Variants in TBC1D22B observed in about 807,000 individuals in gnomAD.
TBC1D22B encodes the protein chromosome 6 open reading frame 197.
TBC1D22B carries 32 observed loss-of-function variants against 69.1 expected under a neutral mutation model. The observed-to-expected ratio is 0.46, with a 90% CI of 0.35 to 0.62. The LOEUF is 0.62. Among genes scored for constraint, TBC1D22B ranks in the 20% least tolerant of loss-of-function variants. The probability of loss-of-function intolerance (pLI) is 0.00; values close to 1 mark genes in which losing one functional copy is unlikely to be tolerated. For synonymous variants in TBC1D22B, 206 were observed against 229.8 expected (o/e 0.90, Z 0.94); for missense variants, 462 against 630.9 (o/e 0.73, Z 2.87).
intron 12 of TBC1D22B, among the ~76,000 whole-genome samples, chr6:37,324,004 T>C (rs939183988): frequency 6.6e-6 from 1 of 152,210 alleles, no homozygotes; most frequent in Non-Finnish European, 1.5e-5. Context: ...GCTTATATCA[T>C]AGGGACATGT....
chr6:37,282,817 T>C, intron 4 of TBC1D22B, 65 bp from the exon 5 acceptor site: 1 of 1,477,278 alleles, frequency 6.8e-7, no homozygotes. Context: ...CAGGCAGTGC[T>C]GGTTGCGGTT....
chr6:37,289,709 G>A (rs1767118048), intron 7 of TBC1D22B, among the ~76,000 whole-genome samples: 1 of 152,214 alleles, frequency 6.6e-6, no homozygotes, highest in African/African-American at 2.4e-5. Context: ...GTCACAAGAA[G>A]TGCAAAGAAA....
intron 6 of TBC1D22B, among the ~76,000 whole-genome samples, chr6:37,285,594 G>A (rs1766984523): frequency 6.6e-6 from 1 of 152,152 alleles, no homozygotes; most frequent in African/African-American, 2.4e-5. Context: ...CTGGGTTCCA[G>A]CGATTCTCCT....
At chr6:37,310,045 T>C (rs1767854251) in intron 8 of TBC1D22B, among the ~76,000 whole-genome samples, 1 of 147,006 alleles carries the variant, frequency 6.8e-6, no homozygotes, top group South Asian at 2.1e-4. Context: ...TATATTTACA[T>C]AATTTTATTT....
intron 8 of TBC1D22B, among the ~76,000 whole-genome samples, chr6:37,299,828 G>A (rs929802382): frequency 4.6e-5 from 7 of 151,720 alleles, no homozygotes; most frequent in African/African-American, 1.7e-4. Context: ...TGGTCAACAT[G>A]GCAAAACCCG....
intron 4 of TBC1D22B, 92 bp from the exon 5 acceptor site, chr6:37,282,790 T>C: frequency 1.6e-6 from 2 of 1,256,568 alleles, no homozygotes; most frequent in Non-Finnish European, 2.3e-6. Context: ...TGGTCTTACA[T>C]GGATGGAAGG....
At chr6:37,291,384 C>G (rs779055338) in intron 8 of TBC1D22B, 27 bp downstream of exon 8, 4 of 1,461,080 alleles carry the variant, frequency 2.7e-6, no homozygotes, top group Non-Finnish European at 3.7e-6. Context: ...CCAAGCTGAA[C>G]AAGCTATTGC....
intron 2 of TBC1D22B, among the ~76,000 whole-genome samples, chr6:37,271,844 G>A (rs1487813796): frequency 8.1e-6 from 1 of 123,426 alleles, no homozygotes; most frequent in Non-Finnish European, 1.6e-5. Context: ...TCTGCAAGGT[G>A]CATGCTTTTT....
chr6:37,290,400 G>A (rs1485223864), intron 7 of TBC1D22B, among the ~76,000 whole-genome samples: 1 of 152,170 alleles, frequency 6.6e-6, no homozygotes, highest in Admixed American at 6.5e-5. Flanking sequence ...CAGGCAATGG[G>A]TATTATCAGG....
Position 37,331,951 on chromosome 6 carries a change from C to T in TBC1D22B, c.*779C>T, listed in dbSNP as rs1222775712. On this transcript the variant is annotated 3_prime_UTR_variant, in exon 13 of 13. Transcript: ENST00000373491. ...GGGGAGGCAGAAGGGGCTCTCCAGA[C>T]CCCTTTTCCATGATGACCCACTCCA... 13 of 152,560 alleles carry T rather than the reference C, an allele frequency of 8.5e-5. No individual in the cohort carries two copies. Among genetic ancestry groups the T allele is most frequent in the Admixed American group, 7.2e-4 (11 of 15,266 alleles). The allele number at this position is 152,560 out of a possible 1,614,324, so 9.5% of individuals were successfully genotyped here. A position where few individuals can be genotyped will look rare whatever the true frequency, so the allele number is the denominator to read the frequency against.
Position 37,257,820 on chromosome 6 carries a change from G to C in TBC1D22B, c.-98G>C, listed in dbSNP as rs1765852982. On this transcript the variant is annotated 5_prime_UTR_variant, in exon 1 of 13. Coordinates refer to ENST00000373491, the MANE Select transcript of TBC1D22B (RefSeq NM_017772.4). ...AGCTGGGAGCGGGTGACCGGCGGCG[G>C]GGAAGCGGCCTGGGTTGGCCCTCAG... 3 of 1,381,072 alleles carry C rather than the reference G, an allele frequency of 2.2e-6. No homozygotes were observed. The Admixed American group carries it at 6.5e-5, about 30-fold the overall frequency. 85.6% of individuals were successfully genotyped at this position (1,381,072 alleles called of 1,614,324 possible). A position where few individuals can be genotyped will look rare whatever the true frequency, so the allele number is the denominator to read the frequency against.
chr6:37,315,866 C>T (rs1401441570), intron 10 of TBC1D22B, among the ~76,000 whole-genome samples: 3 of 152,202 alleles, frequency 2.0e-5, no homozygotes, highest in Non-Finnish European at 4.4e-5. Context: ...TGAGCCACAG[C>T]ACCTGGCCAT....
intron 3 of TBC1D22B, among the ~76,000 whole-genome samples, chr6:37,280,731 T>C (rs572846346): frequency 6.6e-6 from 1 of 152,338 alleles, no homozygotes; most frequent in East Asian, 1.9e-4. Flanking sequence ...CATCTGTCTG[T>C]AAATAGGTAA....
intron 12 of TBC1D22B, among the ~76,000 whole-genome samples, chr6:37,318,120 G>C (rs1768134391): frequency 6.6e-6 from 1 of 152,210 alleles, no homozygotes; most frequent in Non-Finnish European, 1.5e-5. Flanking sequence ...TAGACTGTAG[G>C]TGTGGGCAAG....
intron 1 of TBC1D22B, among the ~76,000 whole-genome samples, chr6:37,266,044 T>G (rs907225177): frequency 1.3e-4 from 20 of 152,218 alleles, no homozygotes; most frequent in Non-Finnish European, 7.3e-5. Context: ...CATTTGCAAA[T>G]CTACGTCACT....
intron 1 of TBC1D22B, among the ~76,000 whole-genome samples, chr6:37,267,545 A>G (rs913157187): frequency 7.0e-6 from 1 of 142,374 alleles, no homozygotes; most frequent in African/African-American, 2.6e-5. Context: ...TAATATATAT[A>G]TACACATATA....
At chr6:37,276,862 G>T (rs2113731842) in intron 2 of TBC1D22B, among the ~76,000 whole-genome samples, 1 of 152,224 alleles carries the variant, frequency 6.6e-6, no homozygotes, top group East Asian at 1.9e-4. Flanking sequence ...CTGCACTCCA[G>T]CCTGGGTGAC....
intron 1 of TBC1D22B, among the ~76,000 whole-genome samples, chr6:37,260,869 A>G (rs1766068925): frequency 6.6e-6 from 1 of 152,104 alleles, no homozygotes; most frequent in Admixed American, 6.5e-5. Context: ...CATACACCAC[A>G]TTTTGTTCAT....
intron 12 of TBC1D22B, among the ~76,000 whole-genome samples, chr6:37,319,500 T>C (rs745478916): frequency 2.6e-5 from 4 of 152,242 alleles, no homozygotes; most frequent in Non-Finnish European, 4.4e-5. Flanking sequence ...GACAATACTC[T>C]GTGACTTTAC....
Sources: allele counts gnomAD v4.1 joint callset (sites outside exome capture counted in the v4.1 genomes callset), GRCh38; gene constraint gnomAD v4.1.1; transcripts MANE v1.5; gene names NCBI Gene and HGNC (gene_info 2026-07-23, HGNC 2026-07-21).